The following PDS5A variants were observed in gnomAD, a reference collection of about 807,000 sequenced individuals.
PDS5A encodes sister chromatid cohesion protein PDS5 homolog A.
A neutral mutation model predicts 167.1 loss-of-function variants in PDS5A; 42 were observed. That is an observed-to-expected ratio of 0.25 (90% CI 0.20 to 0.33). PDS5A has a LOEUF of 0.33. Ranked by LOEUF, PDS5A falls within the 10% of genes least tolerant of loss-of-function variation. The pLI, the probability that PDS5A is intolerant of heterozygous loss-of-function variation, is 1.00. For missense variants in PDS5A, 1,033 were observed against 1,605.9 expected, an observed-to-expected ratio of 0.64 and a Z score of 6.10; for synonymous variants, 553 against 554.6, an observed-to-expected ratio of 1.00 and a Z score of 0.04.
chr4:39,858,500 A>G (rs972726025), intron 26 of PDS5A, among the ~76,000 whole-genome samples: 2 of 152,246 alleles, frequency 1.3e-5, no homozygotes, highest in African/African-American at 4.8e-5. Flanking sequence ...GAAAAACTGG[A>G]TATTCACAAA....
chr4:39,910,168 G>A, intron 10 of PDS5A, 76 bp downstream of exon 10: 1 of 706,238 alleles, frequency 1.4e-6, no homozygotes, highest in Non-Finnish European at 2.5e-6. Flanking sequence ...CTTGGAAAGT[G>A]AAGTTAGGTC....
chr4:39,938,274 G>A (rs1333320219), intron 2 of PDS5A, among the ~76,000 whole-genome samples: 1 of 152,176 alleles, frequency 6.6e-6, no homozygotes, highest in Non-Finnish European at 1.5e-5. Flanking sequence ...ATGTGTCTGG[G>A]CCGGGCACGG....
chr4:39,921,583 T>TAAAA (rs375091298), intron 6 of PDS5A, among the ~76,000 whole-genome samples: 4 of 86,842 alleles, frequency 4.6e-5, no homozygotes, highest in African/African-American at 9.9e-5. Context: ...AAAGAAAACT[T>TAAAA]AAAAAAAAAA....
chr4:39,970,067 GT>G (rs1359017042), intron 2 of PDS5A, among the ~76,000 whole-genome samples: 2 of 151,684 alleles, frequency 1.3e-5, no homozygotes, highest in Non-Finnish European at 1.5e-5. Flanking sequence ...GGTCAGACTG[GT>G]CTCGAACTCT....
chr4:39,919,593 C>T (rs879433418), intron 7 of PDS5A, among the ~76,000 whole-genome samples: 10 of 152,060 alleles, frequency 6.6e-5, no homozygotes, highest in Non-Finnish European at 8.8e-5. Context: ...TGCAATGAGC[C>T]GAGAATGCAC....
At chr4:39,855,296 A>G (rs1381907965) in intron 26 of PDS5A, among the ~76,000 whole-genome samples, 5 of 152,186 alleles carry the variant, frequency 3.3e-5, no homozygotes, top group Non-Finnish European at 7.3e-5. Context: ...AGGAATACAG[A>G]CTTTGTGAAA....
chr4:39,843,934 C>T (rs1417279238), intron 30 of PDS5A, among the ~76,000 whole-genome samples: 1 of 151,800 alleles, frequency 6.6e-6, no homozygotes, highest in Non-Finnish European at 1.5e-5. Flanking sequence ...CACTTGAGCC[C>T]AGGAGATCGA....
At chr4:39,839,729 G>A (rs1716773938) in intron 31 of PDS5A, among the ~76,000 whole-genome samples, 1 of 109,314 alleles carries the variant, frequency 9.1e-6, no homozygotes, top group African/African-American at 3.8e-5. Flanking sequence ...GCAATAAAAA[G>A]ATAAGCACTT....
At chr4:39,930,514 T>C (rs906484103) in intron 2 of PDS5A, among the ~76,000 whole-genome samples, 15 of 152,104 alleles carry the variant, frequency 9.9e-5, no homozygotes, top group Non-Finnish European at 1.0e-4. Flanking sequence ...ATTTTACTAT[T>C]TTAGTCCAAG....
At chr4:39,964,857 C>A (rs1385921987) in intron 2 of PDS5A, among the ~76,000 whole-genome samples, 1 of 149,598 alleles carries the variant, frequency 6.7e-6, no homozygotes, top group Non-Finnish European at 1.5e-5. Flanking sequence ...GCAGGACAAT[C>A]GCTTGAACTT....
intron 23 of PDS5A, among the ~76,000 whole-genome samples, chr4:39,866,381 T>C (rs1719455573): frequency 1.3e-5 from 2 of 152,158 alleles, no homozygotes; most frequent in Non-Finnish European, 2.9e-5. Context: ...CCTCCCAAAA[T>C]GCTGGGATTA....
intron 11 of PDS5A, among the ~76,000 whole-genome samples, chr4:39,905,117 A>T (rs1225167429): frequency 6.6e-6 from 1 of 152,016 alleles, no homozygotes; most frequent in East Asian, 1.9e-4. Context: ...TACCCAGTGA[A>T]TCTAAAATCC....
Position 39,867,774 on chromosome 4 carries a change from A to ACCCC in PDS5A, c.2506-781_2506-778dup, listed in dbSNP as rs1553892710. 9.0e-3 allele frequency among the ~76,000 whole-genome samples: 980 copies of ACCCC among 108,578 alleles called. 16 individuals carry two copies. Among genetic ancestry groups the ACCCC allele is most frequent in the South Asian group, 0.057 (206 of 3,638 alleles). 71.2% of individuals were successfully genotyped at this position (108,578 alleles called of 152,430 possible). On this transcript the variant is annotated intron_variant, in intron 22 of 32. Coordinates refer to ENST00000303538, the MANE Select transcript of PDS5A (RefSeq NM_001100399.2). ...CACACACACACACACACACACACACACCCCACAACTGTACTGATTGTGGTG... is the reference window on the plus strand; with the variant it reads ...CACACACACACACACACACACACACACCCCCCCCACAACTGTACTGATTGTGGTG...
chr4:39,862,791 C>T, intron 25 of PDS5A, 78 bp downstream of exon 25: 1 of 832,908 alleles, frequency 1.2e-6, no homozygotes, highest in South Asian at 1.6e-5. Context: ...AATAGAAACA[C>T]ATGACAAGAA....
intron 16 of PDS5A, among the ~76,000 whole-genome samples, chr4:39,891,666 A>G (rs1578681336): frequency 7.5e-6 from 1 of 133,204 alleles, no homozygotes; most frequent in South Asian, 2.9e-4. Flanking sequence ...AGAAACACAT[A>G]TTCGTACATA....
intron 2 of PDS5A, chr4:39,973,553 C>A: frequency 1.7e-6 from 2 of 1,209,968 alleles, no homozygotes; most frequent in African/African-American, 1.5e-5. Context: ...AGTGCAAAGG[C>A]TATGATGGAG....
At chr4:39,914,571 C>G (rs1724187705) in intron 8 of PDS5A, among the ~76,000 whole-genome samples, 1 of 152,132 alleles carries the variant, frequency 6.6e-6, no homozygotes, top group South Asian at 2.1e-4. Context: ...AAAAGATGAT[C>G]TGAAGGTCAG....
intron 16 of PDS5A, among the ~76,000 whole-genome samples, chr4:39,890,618 T>C (rs1026492365): frequency 2.6e-5 from 4 of 152,116 alleles, no homozygotes; most frequent in Admixed American, 1.3e-4. Flanking sequence ...TTGGTTGATA[T>C]AGCAACTTTT....
At chr4:39,936,444 T>G (rs1325991511) in intron 2 of PDS5A, among the ~76,000 whole-genome samples, 1 of 138,906 alleles carries the variant, frequency 7.2e-6, no homozygotes, top group Non-Finnish European at 1.6e-5. Context: ...TATTATTTAT[T>G]ATTTATCTAT....
Sources: allele counts gnomAD v4.1 joint callset (sites outside exome capture counted in the v4.1 genomes callset), GRCh38; gene constraint gnomAD v4.1.1; transcripts MANE v1.5; gene names NCBI Gene and HGNC (gene_info 2026-07-23, HGNC 2026-07-21).